The following NAA50 variants were observed in gnomAD, a reference collection of about 807,000 sequenced individuals.
The protein encoded by NAA50 is N-alpha-acetyltransferase 50.
In NAA50, 7 loss-of-function variants were observed where a neutral mutation model predicts 20.7. The observed-to-expected ratio is 0.34, with a 90% CI of 0.19 to 0.63. The LOEUF (loss-of-function observed/expected upper bound fraction) is 0.63, where lower values mean the gene tolerates loss of function less well. Ranked by LOEUF, NAA50 falls within the 30% of genes least tolerant of loss-of-function variation. The probability of loss-of-function intolerance (pLI) is 0.75; values close to 1 mark genes in which losing one functional copy is unlikely to be tolerated. For missense variants in NAA50, 111 were observed against 199.1 expected, an observed-to-expected ratio of 0.56 and a Z score of 2.66; for synonymous variants, 54 against 70.6, an observed-to-expected ratio of 0.77 and a Z score of 1.18.
At chr3:113,725,729 T>C (rs938995948) in intron 1 of NAA50, among the ~76,000 whole-genome samples, 35 of 152,116 alleles carry the variant, frequency 2.3e-4, no homozygotes, top group Non-Finnish European at 4.0e-4. Flanking sequence ...TTGTGTACCA[T>C]TGCATTCCAG....
chr3:113,735,166 A>G (rs538766199), intron 1 of NAA50, among the ~76,000 whole-genome samples: 1 of 152,234 alleles, frequency 6.6e-6, no homozygotes, highest in South Asian at 2.1e-4. Context: ...TTTTAGACGT[A>G]AAAGAACAGG....
At chr3:113,739,744 T>C (rs1708388439) in intron 1 of NAA50, among the ~76,000 whole-genome samples, 1 of 152,236 alleles carries the variant, frequency 6.6e-6, no homozygotes, top group Non-Finnish European at 1.5e-5. Flanking sequence ...AACTTTCTGT[T>C]GGCCCACAAG....
In NAA50 at chr3:113,721,665, G is replaced by A. The variant is rs1219038996; in HGVS notation, c.*95C>T. The A allele has an allele frequency of 1.5e-6, 2 of 1,309,634 alleles. No homozygotes were observed. Among genetic ancestry groups the A allele is most frequent in the Non-Finnish European group, 2.2e-6 (2 of 926,178 alleles). The allele number at this position is 1,309,634 out of a possible 1,614,324, so 81.1% of individuals were successfully genotyped here. A position where few individuals can be genotyped will look rare whatever the true frequency, so the allele number is the denominator to read the frequency against. On this transcript the variant is annotated 3_prime_UTR_variant, in exon 5 of 5. Coordinates refer to ENST00000240922, the MANE Select transcript of NAA50 (RefSeq NM_025146.4). ...AAAACAAGAACAAGGAGGGAGAAAA[G>A]CTTTAAAAGAAAAGTGTTGGGGTGG...
intron 1 of NAA50, 35 bp from the exon 2 acceptor site, chr3:113,724,130 A>G (rs1708171793): frequency 4.0e-6 from 6 of 1,491,302 alleles, no homozygotes; most frequent in Non-Finnish European, 5.4e-6. Context: ...ATAAAACATA[A>G]TTAGCCCCAT....
intron 1 of NAA50, among the ~76,000 whole-genome samples, chr3:113,735,916 C>T (rs1375952049): frequency 6.6e-6 from 1 of 152,216 alleles, no homozygotes; most frequent in Non-Finnish European, 1.5e-5. Context: ...CTGCTGGTCT[C>T]GAATTCCTGG....
intron 1 of NAA50, among the ~76,000 whole-genome samples, chr3:113,738,177 G>T (rs191284464): frequency 2.6e-5 from 4 of 152,306 alleles, no homozygotes; most frequent in African/African-American, 7.2e-5. Context: ...ATCTGCTCAA[G>T]AATATAACCT....
intron 1 of NAA50, among the ~76,000 whole-genome samples, chr3:113,737,254 T>G (rs147587157): frequency 1.1e-4 from 17 of 152,342 alleles, no homozygotes; most frequent in African/African-American, 3.4e-4. Context: ...AAGCATCTTT[T>G]AGTTAGGATC....
At chr3:113,732,543 T>C (rs967714378) in intron 1 of NAA50, among the ~76,000 whole-genome samples, 1 of 152,200 alleles carries the variant, frequency 6.6e-6, no homozygotes, top group East Asian at 1.9e-4. Flanking sequence ...TAGGAATCTT[T>C]CCTTGCCCCT....
At chr3:113,723,808 G>C in intron 2 of NAA50, 151 bp downstream of exon 2, 1 of 912,790 alleles carries the variant, frequency 1.1e-6, no homozygotes, top group Non-Finnish European at 1.5e-6. Flanking sequence ...TGATTTCTCT[G>C]AGATTTTTCT....
intron 4 of NAA50, among the ~76,000 whole-genome samples, chr3:113,722,615 T>G (rs1708149047): frequency 6.6e-6 from 1 of 152,158 alleles, no homozygotes; most frequent in African/African-American, 2.4e-5. Context: ...AAAAGTAGTA[T>G]TAATAGTCTT....
intron 1 of NAA50, 193 bp downstream of exon 1, chr3:113,745,748 TG>T: frequency 1.6e-6 from 1 of 628,804 alleles, no homozygotes; most frequent in Non-Finnish European, 2.6e-6. Context: ...TTGCCTCCGC[TG>T]GCCCTTCAGC....
At chr3:113,744,932 G>A (rs1577075009) in intron 1 of NAA50, among the ~76,000 whole-genome samples, 1 of 152,072 alleles carries the variant, frequency 6.6e-6, no homozygotes, top group African/African-American at 2.4e-5. Flanking sequence ...TTGAATAGTT[G>A]GAATGACTTC....
intron 1 of NAA50, among the ~76,000 whole-genome samples, chr3:113,737,628 A>G (rs780465641): frequency 1.3e-5 from 2 of 152,228 alleles, no homozygotes; most frequent in Non-Finnish European, 2.9e-5. Flanking sequence ...GGGAATTACT[A>G]AATTACTTTT....
chr3:113,723,232 C>A (rs1346314485), intron 3 of NAA50, among the ~76,000 whole-genome samples, 190 bp downstream of exon 3: 1 of 151,936 alleles, frequency 6.6e-6, no homozygotes. Flanking sequence ...ACGTAAACAG[C>A]AAATCTATGT....
rs533152807 is a variant in NAA50 at position 113,730,456 on chromosome 3, G to GA, written c.9-6362dup. On this transcript the variant is annotated intron_variant, in intron 1 of 4. Transcript: ENST00000240922. The stretch of plus-strand genomic sequence containing the variant: ...TTCCTTGGCTTTCGGAAAAAAAAAA[G>GA]AAAAAAAAAAACTTTTTAAAGCTTA... Among the ~76,000 whole-genome samples, 530 of 140,084 alleles carry GA rather than the reference G, an allele frequency of 3.8e-3. 1 individual carries two copies. Among genetic ancestry groups the GA allele is most frequent in the South Asian group, 0.01 (45 of 4,434 alleles). 91.9% of individuals were successfully genotyped at this position (140,084 alleles called of 152,430 possible). A position where few individuals can be genotyped will look rare whatever the true frequency, so the allele number is the denominator to read the frequency against.
In NAA50 at chr3:113,718,623, GAAGA is replaced by G. The variant is rs1181123876; in HGVS notation, c.*3133_*3136del. 2.6e-5 allele frequency: 4 copies of G among 151,980 alleles called. No homozygotes were observed. In the East Asian group the frequency reaches 7.7e-4, roughly 29 times the overall value. The allele number at this position is 151,980 out of a possible 1,614,324, so 9.4% of individuals were successfully genotyped here. On this transcript the variant is annotated 3_prime_UTR_variant, in exon 5 of 5. Transcript: ENST00000240922. ...AACTACCGTACTCCTTCCTTACAAG[GAAGA>G]AAAACAAAACACCTGAATATGTTGT...
At position 113,723,959 on chromosome 3, in the gene NAA50, C is replaced by T; in HGVS notation, c.145G>A (p.Ala49Thr). ...GGACAAAAAAAAAACTATATTATAC[C>T]AAGTTTTGCTAGCTCGCCAACCTCC... ...VLEVGELAKLAYFNDIAVGAV... is the reference protein window; with the variant it reads ...VLEVGELAKLTYFNDIAVGAV... The change falls in exon 2 of 5, where the codon GCC becomes ACC. Residue 49 changes from alanine to threonine, a missense_variant and splice_region_variant. Physicochemically the swap from Ala to Thr is moderately conservative, Grantham distance 58. Transcript: ENST00000240922. The T allele has an allele frequency of 6.4e-7, 1 of 1,573,114 alleles. No homozygotes were observed. The highest frequency in any genetic ancestry group is 8.6e-7 in the Non-Finnish European group (1 of 1,162,400).
rs1577075742 is a variant in NAA50, at chr3:113,746,006, G to T, written c.-57C>A. The T allele has an allele frequency of 6.2e-7, 1 of 1,602,306 alleles. No individual in the cohort carries two copies. ...CGATATCAACGCCGTCGTAGTCGCC[G>T]CCCTTAGGTCTCCGCACCCTTAGCT... On this transcript the variant is annotated 5_prime_UTR_variant, in exon 1 of 5. Coordinates refer to ENST00000240922, the MANE Select transcript of NAA50 (RefSeq NM_025146.4).
In NAA50 at chr3:113,718,957, A is replaced by C. The variant is rs1424624858; in HGVS notation, c.*2803T>G. 3.9e-5 allele frequency: 6 copies of C among 152,680 alleles called. No individual in the cohort carries two copies. In the East Asian group the frequency reaches 1.2e-3, roughly 29 times the overall value. 9.5% of individuals were successfully genotyped at this position (152,680 alleles called of 1,614,324 possible). The stretch of plus-strand genomic sequence containing the variant: ...ACGGTTGCTGGCTGCAGAATTCAAC[A>C]ATACAGTTTTGACATTTACAGATAT... On this transcript the variant is annotated 3_prime_UTR_variant, in exon 5 of 5. Transcript: ENST00000240922.
Sources: allele counts gnomAD v4.1 joint callset (sites outside exome capture counted in the v4.1 genomes callset), GRCh38; gene constraint gnomAD v4.1.1; transcripts MANE v1.5; gene names NCBI Gene and HGNC (gene_info 2026-07-23, HGNC 2026-07-21).